The following FAM120B variants were observed in gnomAD, a reference collection of about 807,000 sequenced individuals.
FAM120B encodes family with sequence similarity 120 member B.
Under a neutral mutation model 96.3 loss-of-function variants are expected in FAM120B, and 83 were observed. That is an observed-to-expected ratio of 0.86 (90% confidence interval 0.72 to 1.03). The LOEUF is 1.03. Ranked by LOEUF, FAM120B falls within the 50% of genes least tolerant of loss-of-function variation. The pLI is 0.00. For synonymous variants in FAM120B, 407 were observed against 402.7 expected, an observed-to-expected ratio of 1.01 and a Z score of -0.13; for missense variants, 1,027 against 1,121.2, an observed-to-expected ratio of 0.92 and a Z score of 1.20.
chr6:170,318,023 C>T lies in FAM120B; in HGVS notation c.633C>T (p.Leu211=). ...LDTVMLCREK[L]CESLGLCVAD... ...CCGTCATGCTCTGCAGAGAGAAGCT[C>T]TGTGAGAGTCTGGGCCTCTGTGTGG... The change falls in exon 2 of 11, where the codon CTC becomes CTT. Residue 211 remains leucine (L), a synonymous_variant. Coordinates refer to ENST00000476287, the MANE Select transcript of FAM120B (RefSeq NM_032448.3). 9 of 1,614,060 alleles carry T rather than the reference C, an allele frequency of 5.6e-6. No homozygotes were observed. The highest frequency in any genetic ancestry group is 1.1e-5 in the South Asian group (1 of 91,056).
intron 4 of FAM120B, among the ~76,000 whole-genome samples, chr6:170,335,196 G>C (rs866502535): frequency 6.6e-6 from 1 of 151,316 alleles, no homozygotes; most frequent in Non-Finnish European, 1.5e-5. Flanking sequence ...TCCTAATGCT[G>C]CCCCTCCCCT....
chr6:170,399,589 A>C (rs1021785048), intron 9 of FAM120B, among the ~76,000 whole-genome samples: 1 of 150,448 alleles, frequency 6.6e-6, no homozygotes, highest in African/African-American at 2.5e-5. Context: ...CATAACCCTT[A>C]GGAGTGAGTG....
chr6:170,325,605 C>T (rs1284338159), intron 3 of FAM120B, among the ~76,000 whole-genome samples: 1 of 151,654 alleles, frequency 6.6e-6, no homozygotes, highest in African/African-American at 2.4e-5. Context: ...CTTTGGGAGG[C>T]CGAGGCAGGC....
chr6:170,319,949 C>T (rs759382860), intron 2 of FAM120B, among the ~76,000 whole-genome samples: 5 of 152,184 alleles, frequency 3.3e-5, no homozygotes, highest in South Asian at 2.1e-4. Flanking sequence ...AGTATTACAG[C>T]GCCTTTGAAG....
intron 1 of FAM120B, chr6:170,298,042 T>C (rs1784057577): frequency 6.6e-6 from 1 of 152,208 alleles, no homozygotes; most frequent in African/African-American, 2.4e-5. Context: ...TATTTTGATT[T>C]GTTTTCGGCC....
intron 8 of FAM120B, among the ~76,000 whole-genome samples, chr6:170,394,857 C>T (rs10946258): frequency 0.56 from 85,099 of 152,220 alleles, 25,208 homozygotes; most frequent in Non-Finnish European, 0.65. Flanking sequence ...GCCCACCTCG[C>T]GGATGCTTCC....
chr6:170,291,486 T>G (rs1302497392), upstream of FAM120B, among the ~76,000 whole-genome samples: 1 of 151,594 alleles, frequency 6.6e-6, no homozygotes, highest in African/African-American at 2.4e-5. Flanking sequence ...GGGCCGCCCC[T>G]TCTTCGGGGC....
chr6:170,337,650 C>T (rs867508888), intron 4 of FAM120B, among the ~76,000 whole-genome samples: 4 of 152,098 alleles, frequency 2.6e-5, no homozygotes, highest in Non-Finnish European at 5.9e-5. Context: ...ACTGTGAATC[C>T]GTCTGGTCCT....
chr6:170,399,483 A>T (rs6932714), intron 9 of FAM120B, among the ~76,000 whole-genome samples: 4 of 37,638 alleles, frequency 1.1e-4, no homozygotes, highest in Non-Finnish European at 2.5e-4. Context: ...GGAGTGAGTG[A>T]GAAAGGTAGA....
chr6:170,323,085 A>G lies in FAM120B; in HGVS notation c.1741A>G (p.Arg581Gly), dbSNP rs1293476080. Residue 581 changes from arginine to glycine, a missense_variant, in exon 3 of 11, where the codon AGA becomes GGA. Physicochemically the swap from Arg to Gly is moderately radical, Grantham distance 125. Around this residue, in one of 3 missense-constraint regions of FAM120B, gnomAD observed 880 missense variants for 980.9 expected, o/e 0.90. Transcript: ENST00000476287. ...VSDTEILKVARTHHVQAESYL... is the reference protein window; with the variant it reads ...VSDTEILKVAGTHHVQAESYL... ...GTATTTAAATTTCAAACAGGTTGCT[A>G]GAACACATCACGTCCAAGCAGAAAG... The G allele has an allele frequency of 5.0e-6, 8 of 1,609,536 alleles. No homozygotes were observed. The highest frequency in any genetic ancestry group is 6.8e-6 in the Non-Finnish European group (8 of 1,178,146).
At chr6:170,362,183 A>G (rs184833199) in intron 6 of FAM120B, among the ~76,000 whole-genome samples, 9 of 152,324 alleles carry the variant, frequency 5.9e-5, no homozygotes, top group African/African-American at 2.2e-4. Flanking sequence ...TCCCTCTTCA[A>G]ACAACTTGAA....
rs755708427 is a variant in FAM120B at position 170,318,083 on chromosome 6, C to T, written c.693C>T (p.Asn231=). ...CTCTTCTGGCCTGCCTCCTTGGCAA[C>T]GACATAATCCCAGAGGGCATGTTTG... is the stretch of plus-strand genomic sequence containing the variant. ...DLPLLACLLG[N]DIIPEGMFES... is the part of the protein sequence containing the mutation. The change falls in exon 2 of 11, where the codon AAC becomes AAT. Residue 231 remains asparagine, a synonymous_variant. Coordinates refer to ENST00000476287, the MANE Select transcript of FAM120B (RefSeq NM_032448.3). 12 of 1,614,050 alleles carry T rather than the reference C, an allele frequency of 7.4e-6. No individual in the cohort carries two copies. The highest frequency in any genetic ancestry group is 4.0e-5 in the African/African-American group (3 of 74,920).
At chr6:170,294,343 A>G (rs1422701625), upstream of FAM120B, among the ~76,000 whole-genome samples, 1 of 152,208 alleles carries the variant, frequency 6.6e-6, no homozygotes, top group Non-Finnish European at 1.5e-5. The surrounding 1 kb of genome is among the most constrained non-coding windows in gnomAD (Gnocchi z 7.9). Context: ...TCAGACACAG[A>G]AGTGGAAGGA....
At chr6:170,371,113 C>T (rs1562576916) in intron 6 of FAM120B, among the ~76,000 whole-genome samples, 3 of 152,246 alleles carry the variant, frequency 2.0e-5, no homozygotes, top group South Asian at 4.1e-4. Context: ...CAAAAAGAAA[C>T]CTCTACCTCT....
At chr6:170,298,153 C>T (rs1431117964) in intron 1 of FAM120B, 1 of 152,192 alleles carries the variant, frequency 6.6e-6, no homozygotes, top group Non-Finnish European at 1.5e-5. Flanking sequence ...TCTTTCTTTC[C>T]TTTCCTTCCA....
At chr6:170,389,447 G>T (rs1010715845) in intron 7 of FAM120B, among the ~76,000 whole-genome samples, 3 of 152,030 alleles carry the variant, frequency 2.0e-5, no homozygotes, top group African/African-American at 7.3e-5. Flanking sequence ...CAAACTTATG[G>T]TTAGGTAGGG....
At chr6:170,311,483 C>A (rs758715219) in intron 1 of FAM120B, among the ~76,000 whole-genome samples, 5 of 152,194 alleles carry the variant, frequency 3.3e-5, no homozygotes, top group African/African-American at 4.8e-5. Flanking sequence ...AAAAAAGATA[C>A]CTTGCAGACC....
intron 6 of FAM120B, among the ~76,000 whole-genome samples, chr6:170,371,042 A>G (rs1045062124): frequency 6.6e-6 from 1 of 152,142 alleles, no homozygotes; most frequent in African/African-American, 2.4e-5. Context: ...GTACAATTTA[A>G]TGGCTCTGAA....
upstream of FAM120B, among the ~76,000 whole-genome samples, chr6:170,291,649 C>T (rs989229226): frequency 6.6e-6 from 1 of 152,172 alleles, no homozygotes; most frequent in Non-Finnish European, 1.5e-5. Flanking sequence ...GGCGGGGACA[C>T]CTCCTGGCCC....
Sources: allele counts gnomAD v4.1 joint callset (sites outside exome capture counted in the v4.1 genomes callset), GRCh38; gene constraint gnomAD v4.1.1; regional missense constraint gnomAD v4.1.1; non-coding constraint Gnocchi (gnomAD v3.1); transcripts MANE v1.5; gene names NCBI Gene and HGNC (gene_info 2026-07-23, HGNC 2026-07-21).